COIL: variants seen among roughly 807,000 people sequenced by gnomAD.
COIL encodes coilin, also known as coilin p80.
A neutral mutation model predicts 51.6 loss-of-function variants in COIL; 28 were observed. The ratio of observed to expected loss-of-function variants is 0.54; its 90% confidence interval spans 0.40 to 0.74. The LOEUF (loss-of-function observed/expected upper bound fraction) is 0.74. COIL is among the 30% of genes least tolerant of loss of function. The pLI, the probability that COIL is intolerant of heterozygous loss-of-function variation, is 0.00. For synonymous variants in COIL, 233 were observed against 255.8 expected, an observed-to-expected ratio of 0.91 and a Z score of 0.85; for missense variants, 667 against 685.9, an observed-to-expected ratio of 0.97 and a Z score of 0.31.
At chr17:56,954,218 C>A (rs1419666185) in intron 1 of COIL, among the ~76,000 whole-genome samples, 1 of 152,084 alleles carries the variant, frequency 6.6e-6, no homozygotes, top group Non-Finnish European at 1.5e-5. Context: ...GCTGGCAACA[C>A]CCTCACGCCT....
intron 5 of COIL, among the ~76,000 whole-genome samples, chr17:56,944,349 T>G (rs1241135059): frequency 6.6e-6 from 1 of 152,010 alleles, no homozygotes; most frequent in Non-Finnish European, 1.5e-5. Flanking sequence ...TCCCAGCACT[T>G]TGGGAGGCTG....
At chr17:56,956,210 T>C (rs117348893) in intron 1 of COIL, among the ~76,000 whole-genome samples, 24 of 152,312 alleles carry the variant, frequency 1.6e-4, no homozygotes, top group South Asian at 4.1e-4. Flanking sequence ...AGCCACTAAC[T>C]ACAGCAATAT....
chr17:56,955,740 C>A (rs1910470990), intron 1 of COIL, among the ~76,000 whole-genome samples: 1 of 152,070 alleles, frequency 6.6e-6, no homozygotes, highest in South Asian at 2.1e-4. Flanking sequence ...TGTTGTTAGT[C>A]CTATCATGGG....
intron 5 of COIL, 85 bp from the exon 6 acceptor site, chr17:56,942,208 A>C: frequency 9.2e-7 from 1 of 1,082,998 alleles, no homozygotes; most frequent in Non-Finnish European, 1.4e-6. Context: ...TATATCATTA[A>C]GAAAACAACC....
rs1170195109 is a variant in COIL, at chr17:56,960,852, G to A, written c.168C>T (p.Phe56=). Residue 56 remains phenylalanine, a synonymous_variant, in exon 1 of 7, where the codon TTC becomes TTT. Transcript: ENST00000240316. ...GCCCCCCCTCCAGGTAGAGGCCTAG[G>A]AAGGCCCCAGAACTGAAGCCGAAGC... ...RQRFGFSSGA[F]LGLYLEGGLL... 2.5e-6 allele frequency: 4 copies of A among 1,612,620 alleles called. No individual in the cohort carries two copies. The highest frequency in any genetic ancestry group is 1.7e-5 in the Admixed American group (1 of 59,832).
chr17:56,946,024 T>TC (rs1456310274), intron 5 of COIL, among the ~76,000 whole-genome samples: 2 of 152,244 alleles, frequency 1.3e-5, no homozygotes, highest in Non-Finnish European at 2.9e-5. Flanking sequence ...CCTGGGTTTT[T>TC]CTTAAATAAG....
intron 1 of COIL, among the ~76,000 whole-genome samples, chr17:56,957,082 C>T (rs534352074): frequency 6.6e-6 from 1 of 152,110 alleles, no homozygotes; most frequent in East Asian, 1.9e-4. Flanking sequence ...CCAGCCTGGG[C>T]AACTTAGTGA....
At chr17:56,954,694 T>C (rs984508306) in intron 1 of COIL, among the ~76,000 whole-genome samples, 4 of 151,792 alleles carry the variant, frequency 2.6e-5, no homozygotes, top group African/African-American at 7.3e-5. Context: ...GATTATAAAC[T>C]GGTGTGGTGG....
At position 56,960,840 on chromosome 17, in the gene COIL, G is replaced by A. The variant is rs766696389; in HGVS notation, c.180C>T (p.Tyr60=). The change falls in exon 1 of 7, where the codon TAC becomes TAT. Residue 60 remains tyrosine (Y), a synonymous_variant. Coordinates refer to ENST00000240316, the MANE Select transcript of COIL (RefSeq NM_004645.3). ...GFSSGAFLGL[Y]LEGGLLPPAE... Reference sequence around the variant, plus strand: ...CGGGGGGCAAGAGCCCCCCCTCCAGGTAGAGGCCTAGGAAGGCCCCAGAAC... The same window carrying A: ...CGGGGGGCAAGAGCCCCCCCTCCAGATAGAGGCCTAGGAAGGCCCCAGAAC... The A allele has an allele frequency of 6.2e-7, 1 of 1,607,086 alleles. No individual in the cohort carries two copies. Among genetic ancestry groups the A allele is most frequent in the South Asian group, 1.1e-5 (1 of 90,110 alleles).
chr17:56,950,788 C>T lies in COIL; in HGVS notation c.454G>A (p.Ala152Thr). ...TTGCTGACAGTCTGATCTGTGACAG[C>T]TTTTGGTTCCAGATCCAAGACCTTC... is the stretch of plus-strand genomic sequence containing the variant. Reference protein sequence around the residue: ...NEKVLDLEPKAVTDQTVSKKN... With the variant: ...NEKVLDLEPKTVTDQTVSKKN... The change falls in exon 2 of 7, where the codon GCT (alanine) becomes ACT (threonine). Residue 152 changes from alanine to threonine, a missense_variant. Transcript: ENST00000240316. The T allele has an allele frequency of 6.2e-7, 1 of 1,613,946 alleles. No homozygotes were observed. Among genetic ancestry groups the T allele is most frequent in the South Asian group, 1.1e-5 (1 of 91,074 alleles).
At chr17:56,941,294 C>G (rs1026121331) in intron 6 of COIL, 4 of 152,134 alleles carry the variant, frequency 2.6e-5, no homozygotes, top group African/African-American at 9.7e-5. Flanking sequence ...CATGGTGGCT[C>G]ACCCAGGCAC....
At chr17:56,954,893 A>T (rs1910454952) in intron 1 of COIL, among the ~76,000 whole-genome samples, 1 of 152,116 alleles carries the variant, frequency 6.6e-6, no homozygotes, top group African/African-American at 2.4e-5. Flanking sequence ...CTTAGTTACC[A>T]TTCCTGTCAG....
chr17:56,950,018 C>T lies in COIL; in HGVS notation c.1224G>A (p.Lys408=), dbSNP rs1567852781. 1 of 1,614,168 alleles carries T rather than the reference C, an allele frequency of 6.2e-7. No individual in the cohort carries two copies. The highest frequency in any genetic ancestry group is 8.5e-7 in the Non-Finnish European group (1 of 1,180,022). ...GACCTCTCCCCCGCATGCCCCGTCC[C>T]TTAGCTCCCTTCCAAGAAAAAAGGT... is the stretch of plus-strand genomic sequence containing the variant. ...EENLFSWKGA[K]GRGMRGRGRG... is the part of the protein sequence containing the mutation. The change falls in exon 2 of 7, where the codon AAG becomes AAA. Residue 408 remains lysine, a synonymous_variant. Transcript: ENST00000240316.
chr17:56,946,710 A>G (rs1465152372), intron 4 of COIL, among the ~76,000 whole-genome samples, 199 bp from the exon 5 acceptor site: 1 of 152,252 alleles, frequency 6.6e-6, no homozygotes, highest in Admixed American at 6.5e-5. Context: ...CTTTATGTGA[A>G]TATACAGAAA....
At chr17:56,941,764 C>T (rs866540669) in intron 6 of COIL, among the ~76,000 whole-genome samples, 19 of 152,300 alleles carry the variant, frequency 1.2e-4, no homozygotes, top group African/African-American at 4.6e-4. Flanking sequence ...AATAAAGTTT[C>T]TAAATATGCT....
At chr17:56,951,132 A>C in intron 1 of COIL, 136 bp from the exon 2 acceptor site, 1 of 872,796 alleles carries the variant, frequency 1.1e-6, no homozygotes, top group Non-Finnish European at 1.7e-6. Flanking sequence ...ACTTAAAGAC[A>C]AAAGACTCTT....
intron 1 of COIL, among the ~76,000 whole-genome samples, chr17:56,953,410 CAAAAAAA>C (rs11382949): frequency 9.5e-5 from 8 of 84,492 alleles, no homozygotes; most frequent in African/African-American, 2.7e-4. Flanking sequence ...GACTCCGTCT[CAAAAAAA>C]AAAAAAAAAA....
At position 56,950,226 on chromosome 17, in the gene COIL, C is replaced by T; in HGVS notation, c.1016G>A (p.Gly339Asp). The T allele has an allele frequency of 6.2e-7, 1 of 1,614,204 alleles. No homozygotes were observed. The highest frequency in any genetic ancestry group is 1.7e-5 in the Admixed American group (1 of 60,028). Reference protein sequence around the residue: ...MSSSTPECAAGFLKTVGLFAG... With the variant: ...MSSSTPECAADFLKTVGLFAG... ...AAAAAGGCCTACTGTCTTTAAGAAA[C>T]CCGCAGCACACTCCGGGGTGCTCGA... Residue 339 changes from glycine to aspartate, a missense_variant, in exon 2 of 7, where the codon GGT becomes GAT. Transcript: ENST00000240316.
intron 1 of COIL, among the ~76,000 whole-genome samples, chr17:56,953,026 C>CCAAA (rs1910402372): frequency 6.6e-6 from 1 of 152,080 alleles, no homozygotes; most frequent in African/African-American, 2.4e-5. Flanking sequence ...GCCTATAATC[C>CCAAA]CAAAACTCTG....
Sources: gnomAD v4.1 joint callset for allele counts (sites outside exome capture counted in the v4.1 genomes callset) on GRCh38, gnomAD v4.1.1 for gene constraint, MANE v1.5 for transcripts, NCBI Gene and HGNC (gene_info 2026-07-23, HGNC 2026-07-21) for gene names.